The following CNTNAP4 variants were observed in gnomAD, a reference collection of about 807,000 sequenced individuals.
CNTNAP4 encodes the protein contactin-associated protein-like 4.
Under a neutral mutation model 148.4 loss-of-function variants are expected in CNTNAP4, and 98 were observed. The ratio of observed to expected loss-of-function variants is 0.66; its 90% CI spans 0.56 to 0.78. The LOEUF is 0.78. CNTNAP4 is among the 30% of genes least tolerant of loss of function. The pLI is 0.00. For synonymous variants in CNTNAP4, 730 were observed against 565.1 expected, an observed-to-expected ratio of 1.29 and a Z score of -4.14; for missense variants, 1,935 against 1,565.6, an observed-to-expected ratio of 1.24 and a Z score of -3.98.
chr16:76,390,386 A>C (rs986965932), intron 3 of CNTNAP4, among the ~76,000 whole-genome samples: 1 of 152,136 alleles, frequency 6.6e-6, no homozygotes, highest in Non-Finnish European at 1.5e-5. Context: ...GAGCTGGGCT[A>C]TACATAGAAG....
At chr16:76,511,308 G>A (rs953264674) in intron 15 of CNTNAP4, among the ~76,000 whole-genome samples, 2 of 152,156 alleles carry the variant, frequency 1.3e-5, no homozygotes, top group Non-Finnish European at 2.9e-5. Flanking sequence ...TTGAGTCACT[G>A]GAGTTAGTTT....
At chr16:76,521,864 A>G (rs56312735) in intron 16 of CNTNAP4, among the ~76,000 whole-genome samples, 175 bp from the exon 17 acceptor site, 5,562 of 152,242 alleles carry the variant, frequency 0.037, 315 homozygotes, top group African/African-American at 0.12. Flanking sequence ...TTCACATCAG[A>G]AGACCTAGCT....
intron 21 of CNTNAP4, among the ~76,000 whole-genome samples, chr16:76,546,567 C>T (rs2084744110): frequency 1.3e-5 from 2 of 152,158 alleles, no homozygotes; most frequent in South Asian, 4.1e-4. Flanking sequence ...AAGAGAAGCT[C>T]AGGGCTCTCA....
intron 13 of CNTNAP4, among the ~76,000 whole-genome samples, chr16:76,490,713 G>C (rs1029254506): frequency 6.6e-6 from 1 of 152,154 alleles, no homozygotes; most frequent in African/African-American, 2.4e-5. Context: ...CCGCCTTTCT[G>C]TTGTTTGTCT....
Position 76,477,248 on chromosome 16 carries a change from T to C in CNTNAP4, c.1762+1203T>C, listed in dbSNP as rs138879673. Among the ~76,000 whole-genome samples the C allele has an allele frequency of 1.5e-3, 222 of 152,250 alleles. 1 individual carries two copies. Among genetic ancestry groups the C allele is most frequent in the African/African-American group, 5.1e-3 (212 of 41,546 alleles). On this transcript the variant is annotated intron_variant, in intron 11 of 23. Transcript: ENST00000611870. Reference sequence around the variant, plus strand: ...TTTCTGATGAAATGGATTGCATGTGTTGTAAGGCCCATGTTATTTCATTGT... The same window carrying C: ...TTTCTGATGAAATGGATTGCATGTGCTGTAAGGCCCATGTTATTTCATTGT...
intron 4 of CNTNAP4, among the ~76,000 whole-genome samples, chr16:76,429,315 C>G (rs751015744): frequency 6.6e-6 from 1 of 151,642 alleles, no homozygotes; most frequent in East Asian, 1.9e-4. Flanking sequence ...CTAGTAAAAC[C>G]AATTTCAAAG....
Position 76,439,906 on chromosome 16 carries a change from T to C in CNTNAP4, c.539-8106T>C, listed in dbSNP as rs192133606. Among the ~76,000 whole-genome samples the C allele has an allele frequency of 3.1e-3, 473 of 152,306 alleles. 3 individuals carry two copies. Among genetic ancestry groups the C allele is most frequent in the African/African-American group, 0.01 (433 of 41,582 alleles). ...GTACTTGGTCTCTCTTCTCCATTGC[T>C]TTAAAAAACCAGTTCAGTAATGCAG... On this transcript the variant is annotated intron_variant, in intron 4 of 23. Coordinates refer to ENST00000611870, the MANE Select transcript of CNTNAP4 (RefSeq NM_033401.5).
intron 1 of CNTNAP4, among the ~76,000 whole-genome samples, chr16:76,304,830 G>A (rs1389107891): frequency 2.0e-5 from 3 of 152,166 alleles, no homozygotes; most frequent in Non-Finnish European, 2.9e-5. Context: ...GTGGTCCCCC[G>A]AGGATGTCCA....
intron 8 of CNTNAP4, among the ~76,000 whole-genome samples, chr16:76,458,566 A>G (rs1192959932): frequency 2.0e-5 from 3 of 151,962 alleles, no homozygotes; most frequent in African/African-American, 4.8e-5. Flanking sequence ...GGAGTGTGCA[A>G]CCTAGATCCC....
At chr16:76,514,433 A>G (rs1241552313) in intron 15 of CNTNAP4, among the ~76,000 whole-genome samples, 1 of 152,238 alleles carries the variant, frequency 6.6e-6, no homozygotes, top group Non-Finnish European at 1.5e-5. Flanking sequence ...TTTGTGCAAA[A>G]CTAGTATAAG....
chr16:76,512,240 A>G (rs1043550259), intron 15 of CNTNAP4, among the ~76,000 whole-genome samples: 2 of 152,144 alleles, frequency 1.3e-5, no homozygotes, highest in African/African-American at 4.8e-5. Context: ...GAAATTGGAG[A>G]ACATTAGAGA....
At chr16:76,503,050 C>A (rs928969779) in intron 15 of CNTNAP4, among the ~76,000 whole-genome samples, 1 of 152,080 alleles carries the variant, frequency 6.6e-6, no homozygotes, top group Non-Finnish European at 1.5e-5. Flanking sequence ...CATTTTACTG[C>A]TGCTATTATT....
At chr16:76,401,587 G>A (rs1404826031) in intron 3 of CNTNAP4, among the ~76,000 whole-genome samples, 1 of 152,074 alleles carries the variant, frequency 6.6e-6, no homozygotes, top group Non-Finnish European at 1.5e-5. Flanking sequence ...TATGTTGAAC[G>A]AGAGTGGTGA....
At chr16:76,279,509 G>C (rs1267755156) in intron 1 of CNTNAP4, among the ~76,000 whole-genome samples, 1 of 152,122 alleles carries the variant, frequency 6.6e-6, no homozygotes, top group Admixed American at 6.5e-5. Context: ...TGTCTGCTTG[G>C]CTCTGGTTGG....
chr16:76,427,199 G>T (rs531246852), intron 3 of CNTNAP4, among the ~76,000 whole-genome samples: 1 of 152,074 alleles, frequency 6.6e-6, no homozygotes, highest in African/African-American at 2.4e-5. Flanking sequence ...TTTGTTACAG[G>T]TATCGTGGTT....
chr16:76,344,448 C>G (rs555058622), intron 2 of CNTNAP4, among the ~76,000 whole-genome samples: 2 of 152,296 alleles, frequency 1.3e-5, no homozygotes, highest in African/African-American at 4.8e-5. Context: ...AATGTATTAG[C>G]AGATTTGGGG....
chr16:76,356,253 G>C (rs1051871708), intron 3 of CNTNAP4, among the ~76,000 whole-genome samples: 3 of 152,020 alleles, frequency 2.0e-5, no homozygotes, highest in Non-Finnish European at 4.4e-5. Flanking sequence ...TTGAAACCCT[G>C]TTTCTTTCTC....
In CNTNAP4 at chr16:76,559,298, G is replaced by T. The variant is rs2085326645; in HGVS notation, c.*615G>T. ...ATTCTATTTGTCTCTTCTTAATAATGTTGAATACATTTGGTTTTGAGTCTC... is the reference window on the plus strand; with the variant it reads ...ATTCTATTTGTCTCTTCTTAATAATTTTGAATACATTTGGTTTTGAGTCTC... On this transcript the variant is annotated 3_prime_UTR_variant, in exon 24 of 24. Transcript: ENST00000611870. 1.3e-5 allele frequency: 2 copies of T among 152,042 alleles called. No individual in the cohort carries two copies. Among genetic ancestry groups the T allele is most frequent in the Admixed American group, 1.3e-4 (2 of 15,270 alleles). 9.4% of individuals were successfully genotyped at this position (152,042 alleles called of 1,614,324 possible).
Position 76,430,126 on chromosome 16 carries a change from C to T in CNTNAP4, c.538+2527C>T, listed in dbSNP as rs74448712. Among the ~76,000 whole-genome samples, 62 of 152,254 alleles carry T rather than the reference C, an allele frequency of 4.1e-4. No individual in the cohort carries two copies. In the East Asian group the frequency reaches 9.3e-3, roughly 23 times the overall value. Reference sequence around the variant, plus strand: ...CCATAGTCATGCTCACATTTTCCACCTGTTCATAGCATTGGCATTGCAATA... The same window carrying T: ...CCATAGTCATGCTCACATTTTCCACTTGTTCATAGCATTGGCATTGCAATA... On this transcript the variant is annotated intron_variant, in intron 4 of 23. Coordinates refer to ENST00000611870, the MANE Select transcript of CNTNAP4 (RefSeq NM_033401.5).
Sources: gnomAD v4.1 joint callset for allele counts (sites outside exome capture counted in the v4.1 genomes callset) on GRCh38, gnomAD v4.1.1 for gene constraint, MANE v1.5 for transcripts, NCBI Gene and HGNC (gene_info 2026-07-23, HGNC 2026-07-21) for gene names.